SRPK1: variants seen among roughly 807,000 people sequenced by gnomAD.
The protein encoded by SRPK1 is SRSF protein kinase 1, also known as SFRS protein kinase 1.
Under a neutral mutation model 89.5 loss-of-function variants are expected in SRPK1, and 52 were observed. The observed-to-expected ratio is 0.58, with a 90% CI of 0.46 to 0.73. The LOEUF is 0.73. SRPK1 is among the 30% of genes least tolerant of loss of function. SRPK1 has a pLI of 0.00. For synonymous variants in SRPK1, 255 were observed against 270.2 expected, an observed-to-expected ratio of 0.94 and a Z score of 0.55; for missense variants, 603 against 780.6, an observed-to-expected ratio of 0.77 and a Z score of 2.71.
chr6:35,836,238 C>CAT (rs1231303127), intron 15 of SRPK1, among the ~76,000 whole-genome samples: 1 of 152,028 alleles, frequency 6.6e-6, no homozygotes, highest in Non-Finnish European at 1.5e-5. Flanking sequence ...ATAAAAGAAC[C>CAT]TAATGCCTGA....
chr6:35,864,782 A>C (rs973306381), intron 12 of SRPK1, among the ~76,000 whole-genome samples: 2 of 152,238 alleles, frequency 1.3e-5, no homozygotes, highest in Non-Finnish European at 2.9e-5. Flanking sequence ...AAGATTTGGA[A>C]GCAACCTAAG....
chr6:35,897,857 C>A (rs549446741), intron 2 of SRPK1, among the ~76,000 whole-genome samples: 1 of 152,126 alleles, frequency 6.6e-6, no homozygotes, highest in Admixed American at 6.5e-5. Context: ...TCTATTGGAA[C>A]AAATTAGACA....
chr6:35,867,586 C>T (rs1381676404), intron 12 of SRPK1, among the ~76,000 whole-genome samples: 2 of 152,102 alleles, frequency 1.3e-5, no homozygotes, highest in African/African-American at 2.4e-5. Flanking sequence ...GAGGCCGAGA[C>T]GGGCAGATCA....
At chr6:35,865,080 G>A (rs547121269) in intron 12 of SRPK1, among the ~76,000 whole-genome samples, 8 of 151,910 alleles carry the variant, frequency 5.3e-5, no homozygotes, top group African/African-American at 1.9e-4. Flanking sequence ...ATGATTAATG[G>A]GTATAAAAAA....
At chr6:35,916,300 G>A (rs1318496967) in intron 2 of SRPK1, among the ~76,000 whole-genome samples, 1 of 151,802 alleles carries the variant, frequency 6.6e-6, no homozygotes, top group African/African-American at 2.4e-5. Flanking sequence ...TGCTAGATGA[G>A]GTTCTCTTTC....
At chr6:35,856,471 G>A (rs1397703717) in intron 13 of SRPK1, among the ~76,000 whole-genome samples, 2 of 152,086 alleles carry the variant, frequency 1.3e-5, no homozygotes, top group Admixed American at 1.3e-4. Flanking sequence ...CTGAAGTGAG[G>A]GCAATCTTGT....
intron 5 of SRPK1, 72 bp downstream of exon 5, chr6:35,887,952 G>T: frequency 9.2e-7 from 1 of 1,084,170 alleles, no homozygotes; most frequent in Non-Finnish European, 1.3e-6. Flanking sequence ...GCCTCCACTT[G>T]GTGTGTTTTT....
intron 7 of SRPK1, 116 bp from the exon 8 acceptor site, chr6:35,872,844 A>C (rs1177411458): frequency 2.1e-6 from 2 of 961,456 alleles, no homozygotes; most frequent in Non-Finnish European, 1.5e-6. Flanking sequence ...TTTTCTATAG[A>C]GAATAAAAGC....
intron 12 of SRPK1, among the ~76,000 whole-genome samples, chr6:35,863,668 A>G (rs1359608039): frequency 6.6e-6 from 1 of 151,864 alleles, no homozygotes; most frequent in Non-Finnish European, 1.5e-5. Flanking sequence ...ACACAAAACA[A>G]AAGCTGAGGG....
intron 6 of SRPK1, among the ~76,000 whole-genome samples, chr6:35,884,526 C>T (rs1237368752): frequency 1.3e-5 from 2 of 152,110 alleles, no homozygotes; most frequent in Non-Finnish European, 2.9e-5. Flanking sequence ...TAACCCTTAA[C>T]ATAGTGTTTT....
Position 35,869,474 on chromosome 6 carries a change from A to G in SRPK1, c.1411+8T>C. ...AGGAGTGTTGAGGAAGTATAGCTGC[A>G]TAGGTACCTTTGTTGTCCAGTGGTC... On this transcript the variant is annotated splice_region_variant and intron_variant, in intron 11 of 15. Coordinates refer to ENST00000373825, the MANE Select transcript of SRPK1 (RefSeq NM_003137.5). 1 of 1,610,854 alleles carries G rather than the reference A, an allele frequency of 6.2e-7. No homozygotes were observed. The highest frequency in any genetic ancestry group is 8.5e-7 in the Non-Finnish European group (1 of 1,177,450).
At chr6:35,908,263 A>C (rs1415599534) in intron 2 of SRPK1, among the ~76,000 whole-genome samples, 3 of 152,260 alleles carry the variant, frequency 2.0e-5, no homozygotes, top group Non-Finnish European at 4.4e-5. Flanking sequence ...GAGGGCTCAG[A>C]AGAAAACAGT....
Position 35,874,263 on chromosome 6 carries a change from T to G in SRPK1, c.555A>C (p.Pro185=), listed in dbSNP as rs758957810. The G allele has an allele frequency of 1.2e-6, 2 of 1,613,202 alleles. No homozygotes were observed. Among genetic ancestry groups the G allele is most frequent in the South Asian group, 2.2e-5 (2 of 90,796 alleles). The change falls in exon 7 of 16, where the codon CCA becomes CCC. Residue 185 remains proline, a synonymous_variant. Coordinates refer to ENST00000373825, the MANE Select transcript of SRPK1 (RefSeq NM_003137.5). ...GAATAATTTTTTTGACACAAGGCAG[T>G]GGAAGCCCCTGATAATTGGATTTGA... The part of the protein sequence containing the change: ...WIIKSNYQGL[P]LPCVKKIIQQ...
At position 35,883,769 on chromosome 6, in the gene SRPK1, T is replaced by A. The variant is rs150578148; in HGVS notation, c.478+2955A>T. Among the ~76,000 whole-genome samples the A allele has an allele frequency of 1.5e-3, 231 of 152,018 alleles. 1 individual carries two copies. The highest frequency in any genetic ancestry group is 5.1e-3 in the African/African-American group (212 of 41,448). Reference sequence around the variant, plus strand: ...TTTTTTTTGAGGCGGAGTCTTGCTCTGTCGCCCAGGCTGGAGTGCAGTTGG... The same window carrying A: ...TTTTTTTTGAGGCGGAGTCTTGCTCAGTCGCCCAGGCTGGAGTGCAGTTGG... On this transcript the variant is annotated intron_variant, in intron 6 of 15. Coordinates refer to ENST00000373825, the MANE Select transcript of SRPK1 (RefSeq NM_003137.5).
intron 12 of SRPK1, among the ~76,000 whole-genome samples, chr6:35,858,073 CTTCT>C (rs1769702945): frequency 6.6e-6 from 1 of 152,110 alleles, no homozygotes; most frequent in Non-Finnish European, 1.5e-5. Context: ...TCATACTAAG[CTTCT>C]TTTTGTCCTT....
At chr6:35,915,970 T>TAAA (rs1771081645) in intron 2 of SRPK1, among the ~76,000 whole-genome samples, 1 of 43,614 alleles carries the variant, frequency 2.3e-5, no homozygotes, top group Non-Finnish European at 4.0e-5. Context: ...AGACTCTGTC[T>TAAA]CAAAAACAAA....
Position 35,869,776 on chromosome 6 carries a change from T to C in SRPK1, c.1117A>G (p.Thr373Ala), listed in dbSNP as rs1769990420. The C allele has an allele frequency of 6.2e-7, 1 of 1,613,928 alleles. No homozygotes were observed. The highest frequency in any genetic ancestry group is 2.2e-5 in the East Asian group (1 of 44,882). The change falls in exon 11 of 16, where the codon ACA becomes GCA. Residue 373 changes from threonine (T) to alanine (A), a missense_variant. Transcript: ENST00000373825. Reference protein sequence around the residue: ...INYTQNSNNETLRHKEDLHNA... With the variant: ...INYTQNSNNEALRHKEDLHNA... ...TGTAGATCCTCTTTATGTCTCAATG[T>C]TTCATTATTACTGTTCTGAGTATAA...
chr6:35,859,573 G>T (rs1329590313), intron 12 of SRPK1, among the ~76,000 whole-genome samples: 1 of 151,994 alleles, frequency 6.6e-6, no homozygotes, highest in African/African-American at 2.4e-5. Context: ...TATTGTTTTC[G>T]ATCCTTGTTT....
chr6:35,848,051 T>C (rs1045087334), intron 13 of SRPK1, among the ~76,000 whole-genome samples: 1 of 152,150 alleles, frequency 6.6e-6, no homozygotes, highest in Non-Finnish European at 1.5e-5. Flanking sequence ...TCCATCTGCC[T>C]TGGCCTCCCA....
Sources: allele counts gnomAD v4.1 joint callset (sites outside exome capture counted in the v4.1 genomes callset), GRCh38; gene constraint gnomAD v4.1.1; transcripts MANE v1.5; gene names NCBI Gene and HGNC (gene_info 2026-07-23, HGNC 2026-07-21).